ZFAND6: variants seen among roughly 807,000 people sequenced by gnomAD.
The protein encoded by ZFAND6 is AN1-type zinc finger protein 6.
Under a neutral mutation model 24.5 loss-of-function variants are expected in ZFAND6, and 12 were observed. The ratio of observed to expected loss-of-function variants is 0.49; its 90% confidence interval spans 0.31 to 0.79. The LOEUF is 0.79. Among genes scored for constraint, ZFAND6 ranks in the 30% least tolerant of loss-of-function variants. ZFAND6 has a pLI of 0.04. For synonymous variants in ZFAND6, 92 were observed against 81.5 expected (o/e 1.13, Z -0.69); for missense variants, 207 against 245.9 (o/e 0.84, Z 1.06).
intron 1 of ZFAND6, among the ~76,000 whole-genome samples, chr15:80,064,300 A>C (rs184165348): frequency 1.1e-4 from 17 of 152,262 alleles, no homozygotes; most frequent in African/African-American, 3.9e-4. Flanking sequence ...TTTAATATCA[A>C]ATTTGACTAA....
intron 1 of ZFAND6, among the ~76,000 whole-genome samples, chr15:80,085,460 G>A (rs751452913): frequency 2.0e-5 from 3 of 152,018 alleles, no homozygotes; most frequent in Admixed American, 6.6e-5. Context: ...CAGAGCTTTC[G>A]TAATCAACTC....
intron 6 of ZFAND6, among the ~76,000 whole-genome samples, chr15:80,132,683 C>T (rs1231647721): frequency 6.6e-6 from 1 of 152,138 alleles, no homozygotes; most frequent in African/African-American, 2.4e-5. Flanking sequence ...TTGTGGTTCT[C>T]ATGTATTTTT....
chr15:80,108,813 C>T (rs28420954), intron 2 of ZFAND6, among the ~76,000 whole-genome samples: 16 of 151,988 alleles, frequency 1.1e-4, no homozygotes, highest in African/African-American at 3.6e-4. Flanking sequence ...TCACTGCAGC[C>T]TCCGCCTCCT....
At chr15:80,136,758 A>C (rs1437291525) in intron 6 of ZFAND6, among the ~76,000 whole-genome samples, 1 of 152,220 alleles carries the variant, frequency 6.6e-6, no homozygotes, top group African/African-American at 2.4e-5. Context: ...AGTTTTATTT[A>C]AAGACTGGCT....
At chr15:80,059,595 G>C (rs1183757985), upstream of ZFAND6, 1 of 152,118 alleles carries the variant, frequency 6.6e-6, no homozygotes, top group Non-Finnish European at 1.5e-5. Flanking sequence ...CGGGGCCCGC[G>C]CGTCAGCCGC....
chr15:80,117,799 G>T (rs2039949519), intron 2 of ZFAND6, among the ~76,000 whole-genome samples: 1 of 151,960 alleles, frequency 6.6e-6, no homozygotes, highest in Non-Finnish European at 1.5e-5. Context: ...GTACAGTTGG[G>T]TGCCACTGCT....
chr15:80,109,540 C>G (rs1394329818), intron 2 of ZFAND6, among the ~76,000 whole-genome samples: 1 of 152,106 alleles, frequency 6.6e-6, no homozygotes, highest in Non-Finnish European at 1.5e-5. Context: ...CAGGAAAATA[C>G]CTGTCATACC....
chr15:80,113,234 G>C (rs1009562610), intron 2 of ZFAND6, among the ~76,000 whole-genome samples: 2 of 152,218 alleles, frequency 1.3e-5, no homozygotes, highest in Non-Finnish European at 2.9e-5. Context: ...GCTCTGCCCA[G>C]TAGGGCCCTA....
intron 1 of ZFAND6, among the ~76,000 whole-genome samples, chr15:80,096,517 A>G (rs1222063355): frequency 6.6e-6 from 1 of 152,216 alleles, no homozygotes; most frequent in African/African-American, 2.4e-5. Context: ...ATAGAGAAAC[A>G]TTTGAGTTAC....
chr15:80,094,677 A>G (rs2038607663), intron 1 of ZFAND6, among the ~76,000 whole-genome samples: 1 of 152,228 alleles, frequency 6.6e-6, no homozygotes, highest in Non-Finnish European at 1.5e-5. Context: ...AGTTTTAACA[A>G]CAAGGACCTT....
chr15:80,086,102 G>C (rs538053751), intron 1 of ZFAND6, among the ~76,000 whole-genome samples: 1 of 152,130 alleles, frequency 6.6e-6, no homozygotes, highest in Non-Finnish European at 1.5e-5. Context: ...GCAATGGCGC[G>C]ATCTCAGCCC....
At position 80,113,367 on chromosome 15, in the gene ZFAND6, T is replaced by TA. The variant is rs202186441; in HGVS notation, c.-17-6955dup. Among the ~76,000 whole-genome samples the TA allele has an allele frequency of 5.0e-3, 756 of 152,252 alleles. 4 individuals carry two copies. Among genetic ancestry groups the TA allele is most frequent in the African/African-American group, 0.018 (736 of 41,564 alleles). Reference sequence around the variant, plus strand: ...TTTGAATGCTAGCAACTAATTTTTTTAAAAAATAATAGGTACTGGCCAATC... The same window carrying TA: ...TTTGAATGCTAGCAACTAATTTTTTTAAAAAAATAATAGGTACTGGCCAATC... On this transcript the variant is annotated intron_variant, in intron 2 of 6. Transcript: ENST00000261749.
chr15:80,102,170 A>G (rs111436683), intron 2 of ZFAND6, among the ~76,000 whole-genome samples: 21,784 of 150,840 alleles, frequency 0.14, 2,054 homozygotes, highest in Non-Finnish European at 0.21. Context: ...TATTTTTGAG[A>G]TGGAGTTTCA....
rs151059961 is a variant in ZFAND6 at position 80,122,724 on chromosome 15, A to G, written c.288A>G (p.Leu96=). ...GCCCTGTATCAAATCAGTCACTTTT[A>G]TCAGAATCTGTAGCATCTTCTCAAT... ...QPSPVSNQSL[L]SESVASSQLD... The change falls in exon 5 of 7, where the codon TTA becomes TTG. Residue 96 remains leucine, a synonymous_variant. Coordinates refer to ENST00000261749, the MANE Select transcript of ZFAND6 (RefSeq NM_019006.4). 35 of 1,613,524 alleles carry G rather than the reference A, an allele frequency of 2.2e-5. No individual in the cohort carries two copies. The highest frequency in any genetic ancestry group is 1.1e-4 in the African/African-American group (8 of 74,918).
chr15:80,106,578 T>TAAA (rs1399627753), intron 2 of ZFAND6, among the ~76,000 whole-genome samples: 1 of 148,690 alleles, frequency 6.7e-6, no homozygotes, highest in African/African-American at 2.5e-5. Flanking sequence ...TTCAGTATGT[T>TAAA]AAATTTGTTT....
At chr15:80,089,674 T>C (rs1215154512) in intron 1 of ZFAND6, among the ~76,000 whole-genome samples, 1 of 152,160 alleles carries the variant, frequency 6.6e-6, no homozygotes, top group Non-Finnish European at 1.5e-5. Flanking sequence ...ATAGACTCCA[T>C]TGCCTGTGGA....
intron 1 of ZFAND6, among the ~76,000 whole-genome samples, chr15:80,078,100 T>C (rs2037401665): frequency 6.6e-6 from 1 of 152,248 alleles, no homozygotes; most frequent in Admixed American, 6.5e-5. Flanking sequence ...ATGTGTAGGT[T>C]TGTTACATGG....
chr15:80,072,696 G>A (rs539274098), intron 1 of ZFAND6: 145 of 151,994 alleles, frequency 9.5e-4, no homozygotes, highest in African/African-American at 3.4e-3. Flanking sequence ...TTATAATTTT[G>A]CTCCTTTATG....
At chr15:80,066,882 G>A (rs981080521) in intron 1 of ZFAND6, among the ~76,000 whole-genome samples, 1 of 148,092 alleles carries the variant, frequency 6.8e-6, no homozygotes, top group Non-Finnish European at 1.5e-5. Flanking sequence ...GGGCGACACA[G>A]TGAGACTCCA....
Sources: allele counts gnomAD v4.1 joint callset (sites outside exome capture counted in the v4.1 genomes callset), GRCh38; gene constraint gnomAD v4.1.1; transcripts MANE v1.5; gene names NCBI Gene and HGNC (gene_info 2026-07-23, HGNC 2026-07-21).